OPCML: variants seen among roughly 807,000 people sequenced by gnomAD.
OPCML encodes the protein opioid-binding protein/cell adhesion molecule.
In OPCML, 13 loss-of-function variants were observed where a neutral mutation model predicts 37.8. The observed-to-expected ratio is 0.34, with a 90% confidence interval of 0.22 to 0.55. The LOEUF is 0.55. Ranked by LOEUF, OPCML falls within the 20% of genes least tolerant of loss-of-function variation. The pLI, the probability that OPCML is intolerant of heterozygous loss-of-function variation, is 0.91. For missense variants in OPCML, 341 were observed against 435.6 expected (o/e 0.78, Z 1.93); for synonymous variants, 176 against 168.8 (o/e 1.04, Z -0.33).
chr11:132,922,329 C>T (rs1373455938), intron 2 of OPCML, among the ~76,000 whole-genome samples: 1 of 152,070 alleles, frequency 6.6e-6, no homozygotes, highest in Non-Finnish European at 1.5e-5. Context: ...GATTTTATCT[C>T]CCAGAAATTT....
At chr11:132,895,279 A>T (rs767372734) in intron 2 of OPCML, among the ~76,000 whole-genome samples, 10 of 152,248 alleles carry the variant, frequency 6.6e-5, no homozygotes, top group Non-Finnish European at 1.2e-4. Context: ...ACATTTGTGC[A>T]GAACCAACGA....
intron 2 of OPCML, among the ~76,000 whole-genome samples, chr11:132,927,776 G>T (rs111479188): frequency 0.012 from 1,762 of 151,980 alleles, 42 homozygotes; most frequent in African/African-American, 0.04. Context: ...CTATGTTCAT[G>T]GGTACACAAT....
chr11:133,081,073 C>G (rs1256477158), intron 1 of OPCML, among the ~76,000 whole-genome samples: 4 of 152,080 alleles, frequency 2.6e-5, no homozygotes, highest in South Asian at 4.2e-4. Context: ...TGGAAGGACC[C>G]GAAGCCGAGA....
intron 1 of OPCML, among the ~76,000 whole-genome samples, chr11:133,223,706 A>ATTGT (rs1298571989): frequency 6.6e-6 from 1 of 152,176 alleles, no homozygotes; most frequent in Admixed American, 6.5e-5. Flanking sequence ...AGATGTTTCC[A>ATTGT]TTGTTTTGTT....
At chr11:132,482,002 T>A (rs1290597341) in intron 4 of OPCML, among the ~76,000 whole-genome samples, 1 of 148,008 alleles carries the variant, frequency 6.8e-6, no homozygotes, top group Non-Finnish European at 1.5e-5. Flanking sequence ...ACATCACAAT[T>A]AAAAGAACTA....
At chr11:133,263,196 C>G (rs1226425207) in intron 1 of OPCML, among the ~76,000 whole-genome samples, 3 of 152,020 alleles carry the variant, frequency 2.0e-5, no homozygotes, top group African/African-American at 7.2e-5. Flanking sequence ...ACAATATCAT[C>G]TATTGGACGA....
chr11:132,839,199 A>G (rs536107960), intron 2 of OPCML, among the ~76,000 whole-genome samples: 1 of 152,288 alleles, frequency 6.6e-6, no homozygotes, highest in East Asian at 1.9e-4. Flanking sequence ...GTCAGAAAAA[A>G]ACAGACCTAG....
At position 133,140,861 on chromosome 11, in the gene OPCML, AC is replaced by A. The variant is rs1358273840; in HGVS notation, c.62-197852del. Among the ~76,000 whole-genome samples, 11 of 69,262 alleles carry A rather than the reference AC, an allele frequency of 1.6e-4. 1 individual carries two copies. The highest frequency in any genetic ancestry group is 5.4e-4 in the East Asian group (1 of 1,844). 45.4% of individuals were successfully genotyped at this position (69,262 alleles called of 152,430 possible). On this transcript the variant is annotated intron_variant, in intron 1 of 7. Transcript: ENST00000524381. ...GAAGACGACGACGACGACGAAGAAG[AC>A]GACGACGACGAAGAAGACGACGACG...
chr11:133,454,877 T>C (rs1229316687), intron 1 of OPCML, among the ~76,000 whole-genome samples: 6 of 152,108 alleles, frequency 3.9e-5, no homozygotes, highest in African/African-American at 1.4e-4. Flanking sequence ...GACAGAGTGG[T>C]CCAGAGTTGG....
chr11:132,541,186 C>T (rs910400506), intron 3 of OPCML, among the ~76,000 whole-genome samples: 1 of 152,222 alleles, frequency 6.6e-6, no homozygotes, highest in Non-Finnish European at 1.5e-5. Flanking sequence ...ATCCAAGTCT[C>T]TCTCTCACAG....
chr11:132,452,238 T>C (rs2096070131), intron 4 of OPCML, among the ~76,000 whole-genome samples: 1 of 152,146 alleles, frequency 6.6e-6, no homozygotes, highest in Admixed American at 6.5e-5. Context: ...AGAAGATTAT[T>C]ACTATTCAAG....
rs533735039 is a variant in OPCML, at chr11:133,528,662, G to A, written c.61+3602C>T. On this transcript the variant is annotated intron_variant, in intron 1 of 7. Transcript: ENST00000524381. ...TAGAGAAGGAAGAATCCTAAACCTCGGGGGATTTTCTATCCAAGCCCAGGG... is the reference window on the plus strand; with the variant it reads ...TAGAGAAGGAAGAATCCTAAACCTCAGGGGATTTTCTATCCAAGCCCAGGG... Among the ~76,000 whole-genome samples, 9 of 152,254 alleles carry A rather than the reference G, an allele frequency of 5.9e-5. No homozygotes were observed. In the East Asian group the frequency reaches 1.2e-3, roughly 20 times the overall value.
intron 1 of OPCML, among the ~76,000 whole-genome samples, chr11:133,515,734 C>T (rs1177470770): frequency 1.3e-5 from 2 of 151,466 alleles, no homozygotes; most frequent in Non-Finnish European, 2.9e-5. Flanking sequence ...CAGAAAAGCC[C>T]GAAACTCAAG....
At chr11:133,274,176 G>C (rs979402412) in intron 1 of OPCML, among the ~76,000 whole-genome samples, 1 of 152,114 alleles carries the variant, frequency 6.6e-6, no homozygotes, top group African/African-American at 2.4e-5. Flanking sequence ...GTTCATTACT[G>C]AGCACTTGTC....
intron 1 of OPCML, among the ~76,000 whole-genome samples, chr11:133,282,076 A>C (rs1325146109): frequency 6.6e-6 from 1 of 152,212 alleles, no homozygotes. Context: ...CAGAGAGTAA[A>C]AGTAAGTTTG....
chr11:133,409,956 A>T (rs950647116), intron 1 of OPCML, among the ~76,000 whole-genome samples: 2 of 152,070 alleles, frequency 1.3e-5, no homozygotes, highest in African/African-American at 4.8e-5. Flanking sequence ...AGCTATCTGC[A>T]GAGGTGGGTC....
intron 3 of OPCML, among the ~76,000 whole-genome samples, chr11:132,566,456 G>A (rs1383324135): frequency 6.6e-6 from 1 of 152,180 alleles, no homozygotes; most frequent in African/African-American, 2.4e-5. Flanking sequence ...CTAGAGAGGT[G>A]GACAGCTAGA....
At chr11:133,080,322 G>A (rs544934158) in intron 1 of OPCML, among the ~76,000 whole-genome samples, 1 of 152,246 alleles carries the variant, frequency 6.6e-6, no homozygotes, top group South Asian at 2.1e-4. Flanking sequence ...TGGAACTTTT[G>A]ATTTTCAACA....
At chr11:133,256,797 A>C (rs1475413019) in intron 1 of OPCML, among the ~76,000 whole-genome samples, 1 of 152,212 alleles carries the variant, frequency 6.6e-6, no homozygotes, top group African/African-American at 2.4e-5. Flanking sequence ...AAAAGTGTGC[A>C]GTTTGGGAGT....
Sources: gnomAD v4.1 joint callset for allele counts (sites outside exome capture counted in the v4.1 genomes callset) on GRCh38, gnomAD v4.1.1 for gene constraint, MANE v1.5 for transcripts, NCBI Gene and HGNC (gene_info 2026-07-23, HGNC 2026-07-21) for gene names.